The following KLF8 variants were observed in gnomAD, a reference collection of about 807,000 sequenced individuals.
The protein encoded by KLF8 is KLF transcription factor 8, also known as Krueppel-like factor 8.
A neutral mutation model predicts 18.2 loss-of-function variants in KLF8; 10 were observed. The observed-to-expected ratio is 0.55, with a 90% CI of 0.34 to 0.93. The LOEUF (loss-of-function observed/expected upper bound fraction) is 0.93, where lower values mean the gene tolerates loss of function less well. Among genes scored for constraint, KLF8 ranks in the 40% least tolerant of loss-of-function variants. KLF8 has a pLI of 0.02. For missense variants in KLF8, 264 were observed against 277.9 expected, an observed-to-expected ratio of 0.95 and a Z score of 0.36; for synonymous variants, 109 against 97.3, an observed-to-expected ratio of 1.12 and a Z score of -0.71.
At chrX:56,273,858 G>T (rs984450430) in intron 5 of KLF8, among the ~76,000 whole-genome samples, 1 of 112,230 alleles carries the variant, frequency 8.9e-6, no homozygotes, top group African/African-American at 3.2e-5. Flanking sequence ...CTATGAACAG[G>T]TGAGTGATAA....
the KLF8 span, among the ~76,000 whole-genome samples, chrX:56,120,358 C>T: frequency 4.5e-5 from 5 of 111,634 alleles, no homozygotes; most frequent in South Asian, 3.8e-4. Context: ...TGAGTTTTTT[C>T]GACTTTTAAA....
chrX:56,244,056 T>C (rs1250171148), intron 1 of KLF8, among the ~76,000 whole-genome samples: 1 of 111,778 alleles, frequency 8.9e-6, no homozygotes, highest in Non-Finnish European at 1.9e-5. Context: ...ATCCTACTGG[T>C]ACCCAGGTAA....
chrX:56,033,414 T>C, the KLF8 span, among the ~76,000 whole-genome samples: 1 of 111,886 alleles, frequency 8.9e-6, no homozygotes, highest in Non-Finnish European at 1.9e-5. Context: ...TTATCAATTT[T>C]TTTTGATGGG....
intron 3 of KLF8, chrX:56,268,530 T>C (rs772881358): frequency 6.9e-6 from 1 of 144,322 alleles, no homozygotes; most frequent in East Asian, 2.7e-4. Context: ...CTACTTTTTG[T>C]TTGTTTTCTT....
the KLF8 span, among the ~76,000 whole-genome samples, chrX:56,168,842 G>T: frequency 3.6e-5 from 4 of 111,150 alleles, no homozygotes; most frequent in Non-Finnish European, 7.5e-5. Flanking sequence ...CTTTTTTATG[G>T]CTGCACACTA....
At chrX:56,019,247 GA>G in the KLF8 span, among the ~76,000 whole-genome samples, 8 of 112,321 alleles carry the variant, frequency 7.1e-5, no homozygotes, top group African/African-American at 2.3e-4. Flanking sequence ...GATCTTCTCA[GA>G]TAGTCATTTG....
At chrX:56,059,122 A>C in the KLF8 span, among the ~76,000 whole-genome samples, 2 of 111,588 alleles carry the variant, frequency 1.8e-5, no homozygotes, top group Non-Finnish European at 3.8e-5. Flanking sequence ...GCTTTTTTTC[A>C]TGTGTTTGCT....
At chrX:55,953,647 T>A in the KLF8 span, among the ~76,000 whole-genome samples, 12 of 111,039 alleles carry the variant, frequency 1.1e-4, no homozygotes, top group South Asian at 4.5e-3. Context: ...TGGAATAGAA[T>A]TGAGCCCAGA....
chrX:56,126,813 C>A, the KLF8 span, among the ~76,000 whole-genome samples: 3 of 101,898 alleles, frequency 2.9e-5, no homozygotes, highest in Non-Finnish European at 5.9e-5. Context: ...AGTGCAATGG[C>A]ACGATCTTGG....
At chrX:56,040,429 CAAG>C in the KLF8 span, among the ~76,000 whole-genome samples, 7 of 111,945 alleles carry the variant, frequency 6.3e-5, no homozygotes, top group South Asian at 2.6e-3. Context: ...GAGTTTTTAA[CAAG>C]AAGGAATGTT....
At chrX:55,940,753 A>G in the KLF8 span, among the ~76,000 whole-genome samples, 2 of 111,876 alleles carry the variant, frequency 1.8e-5, no homozygotes, top group Non-Finnish European at 3.8e-5. Flanking sequence ...GAGCCAAATC[A>G]TGAGTGAACT....
At chrX:56,030,213 T>C in the KLF8 span, among the ~76,000 whole-genome samples, 3 of 111,450 alleles carry the variant, frequency 2.7e-5, no homozygotes, top group African/African-American at 9.8e-5. Flanking sequence ...AATTAATGCC[T>C]CCTGGTATTG....
the KLF8 span, among the ~76,000 whole-genome samples, chrX:56,175,411 G>T: frequency 1.8e-5 from 2 of 112,001 alleles, no homozygotes; most frequent in Non-Finnish European, 1.9e-5. Context: ...GTGGCTTTGA[G>T]TGAGTTTCTT....
the KLF8 span, among the ~76,000 whole-genome samples, chrX:56,187,825 G>C: frequency 9.9e-5 from 11 of 111,644 alleles, no homozygotes; most frequent in East Asian, 2.0e-3. Context: ...ATTCAACAAT[G>C]CTTCATGCTA....
At chrX:56,074,763 T>C in the KLF8 span, 5 of 130,857 alleles carry the variant, frequency 3.8e-5, no homozygotes, top group Middle Eastern at 3.2e-3. Context: ...ATTCAGGCTA[T>C]GTAAGGCCAC....
At chrX:56,118,165 A>G in the KLF8 span, among the ~76,000 whole-genome samples, 1 of 111,724 alleles carries the variant, frequency 9.0e-6, no homozygotes, top group Non-Finnish European at 1.9e-5. Context: ...GACTATAGCA[A>G]TTCCTAATTG....
chrX:56,066,725 A>C, the KLF8 span, among the ~76,000 whole-genome samples: 1 of 111,144 alleles, frequency 9.0e-6, no homozygotes, highest in Non-Finnish European at 1.9e-5. Context: ...ATGTGAATAT[A>C]CAAAAACTGT....
chrX:56,178,324 T>A, the KLF8 span, among the ~76,000 whole-genome samples: 1 of 112,549 alleles, frequency 8.9e-6, no homozygotes, highest in African/African-American at 3.2e-5. Context: ...CACTTTTTGA[T>A]GGGGTTGTTT....
rs1319162329 is a variant in KLF8 at position 56,290,229 on chromosome X, A to G, written c.*5735A>G. Among the ~76,000 whole-genome samples the G allele has an allele frequency of 1.8e-5, 2 of 111,758 alleles. No individual in the cohort carries two copies. Among genetic ancestry groups the G allele is most frequent in the Admixed American group, 9.5e-5 (1 of 10,505 alleles). ...CAATTAATCCATTTGCAAAATGGGGATCTCAATATCTACCTCACAGGAATG... is the reference window on the plus strand; with the variant it reads ...CAATTAATCCATTTGCAAAATGGGGGTCTCAATATCTACCTCACAGGAATG... On this transcript the variant is annotated 3_prime_UTR_variant, in exon 6 of 6. Coordinates refer to ENST00000468660, the MANE Select transcript of KLF8 (RefSeq NM_007250.5).
Sources: gnomAD v4.1 joint callset for allele counts (sites outside exome capture counted in the v4.1 genomes callset) on GRCh38, gnomAD v4.1.1 for gene constraint, MANE v1.5 for transcripts, NCBI Gene and HGNC (gene_info 2026-07-23, HGNC 2026-07-21) for gene names.